Variants in HMMR observed in about 807,000 individuals in gnomAD.
HMMR encodes the protein hyaluronan mediated motility receptor, also known as intracellular hyaluronic acid-binding protein.
HMMR carries 108 observed loss-of-function variants against 101.0 expected under a neutral mutation model. The ratio of observed to expected loss-of-function variants is 1.07; its 90% CI spans 0.92 to 1.25. HMMR has a LOEUF of 1.25. Among genes scored for constraint, HMMR ranks in the 50% most tolerant of loss-of-function variants. The pLI is 0.00. For synonymous variants in HMMR, 296 were observed against 276.4 expected (o/e 1.07, Z -0.70); for missense variants, 813 against 788.7 (o/e 1.03, Z -0.37).
At chr5:163,471,881 G>A (rs1045607862) in intron 7 of HMMR, among the ~76,000 whole-genome samples, 5 of 151,958 alleles carry the variant, frequency 3.3e-5, no homozygotes, top group Admixed American at 2.0e-4. Context: ...ATACACCTAC[G>A]TAACCACTAC....
At chr5:163,475,343 C>G in intron 10 of HMMR, 115 bp from the exon 11 acceptor site, 1 of 550,518 alleles carries the variant, frequency 1.8e-6, no homozygotes, top group Non-Finnish European at 3.2e-6. Context: ...TTTAAGTTTC[C>G]TTGAATCTGT....
At chr5:163,476,585 C>T (rs146197387) in intron 11 of HMMR, among the ~76,000 whole-genome samples, 243 of 152,124 alleles carry the variant, frequency 1.6e-3, no homozygotes, top group Non-Finnish European at 2.9e-3. Flanking sequence ...TAATGCTCAA[C>T]GATTATACCT....
chr5:163,475,393 T>G, intron 10 of HMMR, 65 bp from the exon 11 acceptor site: 2 of 813,566 alleles, frequency 2.5e-6, no homozygotes, highest in Non-Finnish European at 3.9e-6. Flanking sequence ...TACTTTTTTT[T>G]GTCTCCTAGT....
chr5:163,463,818 A>G lies in HMMR; in HGVS notation c.47-38A>G, dbSNP rs1189190609. ...ATGTTTTAACTTAAGATCATAAGTA[A>G]CATTAGATAATATATTAATGTTTTC... On this transcript the variant is annotated intron_variant, in intron 1 of 17. Transcript: ENST00000393915. 7.7e-6 allele frequency: 6 copies of G among 779,066 alleles called. No individual in the cohort carries two copies. The South Asian group carries it at 1.5e-4, about 19-fold the overall frequency. The allele number at this position is 779,066 out of a possible 1,614,324, so 48.3% of individuals were successfully genotyped here.
intron 3 of HMMR, chr5:163,465,288 C>T (rs369936932): frequency 6.5e-6 from 1 of 153,190 alleles, no homozygotes; most frequent in African/African-American, 2.4e-5. Context: ...TTACTCTTTT[C>T]ATAAGTTTAT....
intron 12 of HMMR, among the ~76,000 whole-genome samples, chr5:163,481,362 G>C (rs929927517): frequency 6.6e-6 from 1 of 151,168 alleles, no homozygotes; most frequent in Non-Finnish European, 1.5e-5. Flanking sequence ...TTCCCTTCTC[G>C]TTAGTTTGAA....
In HMMR at chr5:163,474,108, T is replaced by G; in HGVS notation, c.956T>G (p.Met319Arg). The G allele has an allele frequency of 6.2e-7, 1 of 1,611,768 alleles. No homozygotes were observed. The highest frequency in any genetic ancestry group is 8.5e-7 in the Non-Finnish European group (1 of 1,178,628). The change falls in exon 10 of 18, where the codon ATG becomes AGG. Residue 319 changes from methionine to arginine, a missense_variant. By Grantham distance (91) the Met-to-Arg change is moderately conservative. Coordinates refer to ENST00000393915, the MANE Select transcript of HMMR (RefSeq NM_001142556.2). ...CACAACGAAAATCTAAATGCAGAGA[T>G]GCAAAACTTAAAACAGAAGTTTATT... ...REHNENLNAE[M>R]QNLKQKFILE... is the part of the protein sequence containing the mutation.
intron 2 of HMMR, 40 bp from the exon 3 acceptor site, chr5:163,464,683 T>A: frequency 7.6e-7 from 1 of 1,313,514 alleles, no homozygotes; most frequent in Non-Finnish European, 1.1e-6. Flanking sequence ...TTAAAACACA[T>A]TGACATCAAC....
chr5:163,466,537 G>T (rs896346294), intron 3 of HMMR, among the ~76,000 whole-genome samples: 1 of 152,006 alleles, frequency 6.6e-6, no homozygotes, highest in Non-Finnish European at 1.5e-5. Context: ...GATTTTGTTA[G>T]TGGAACGCTT....
chr5:163,486,073 G>T (rs1759467226), intron 16 of HMMR, among the ~76,000 whole-genome samples: 1 of 152,178 alleles, frequency 6.6e-6, no homozygotes, highest in African/African-American at 2.4e-5. Flanking sequence ...TTTGAAATCA[G>T]GAAGCGTGAG....
chr5:163,486,165 C>G (rs1351769663), intron 16 of HMMR, among the ~76,000 whole-genome samples: 1 of 152,180 alleles, frequency 6.6e-6, no homozygotes, highest in East Asian at 1.9e-4. Context: ...AGTTTTTCTA[C>G]AAAGAAACCA....
chr5:163,491,306 A>G lies in HMMR; in HGVS notation c.*142A>G. On this transcript the variant is annotated 3_prime_UTR_variant, in exon 18 of 18. Transcript: ENST00000393915. ...TAAATATGTGAAAGGAACATTTTTTACCAAAGTGTCTTTTGACATTTTATT... is the reference window on the plus strand; with the variant it reads ...TAAATATGTGAAAGGAACATTTTTTGCCAAAGTGTCTTTTGACATTTTATT... The G allele has an allele frequency of 1.9e-6, 1 of 524,128 alleles. No homozygotes were observed. Among genetic ancestry groups the G allele is most frequent in the Non-Finnish European group, 3.4e-6 (1 of 297,750 alleles). 32.5% of individuals were successfully genotyped at this position (524,128 alleles called of 1,614,324 possible).
At chr5:163,489,189 G>C (rs1261794301) in intron 16 of HMMR, 1 of 152,366 alleles carries the variant, frequency 6.6e-6, no homozygotes, top group East Asian at 1.9e-4. Context: ...TAATGCCGCA[G>C]CTGATCTGCC....
At chr5:163,470,926 T>G (rs1758865818) in intron 5 of HMMR, among the ~76,000 whole-genome samples, 1 of 152,042 alleles carries the variant, frequency 6.6e-6, no homozygotes, top group South Asian at 2.1e-4. Flanking sequence ...CCCAGGAGTT[T>G]GAGATTATAG....
intron 5 of HMMR, 48 bp downstream of exon 5, chr5:163,469,877 G>A (rs927296498): frequency 8.2e-6 from 11 of 1,345,250 alleles, no homozygotes; most frequent in East Asian, 2.4e-5. Context: ...ATATAAACAC[G>A]TTTTTTAGGG....
At chr5:163,481,506 G>C (rs886636386) in intron 12 of HMMR, among the ~76,000 whole-genome samples, 2 of 152,018 alleles carry the variant, frequency 1.3e-5, no homozygotes, top group African/African-American at 4.8e-5. Flanking sequence ...TTACCCACTT[G>C]ACATCTTCAA....
intron 11 of HMMR, among the ~76,000 whole-genome samples, chr5:163,477,156 A>C (rs1759094404): frequency 6.6e-6 from 1 of 152,146 alleles, no homozygotes; most frequent in Non-Finnish European, 1.5e-5. Flanking sequence ...TGTCCATAGT[A>C]ATTGCTAATT....
At chr5:163,489,618 TC>T (rs1759609654) in intron 16 of HMMR, among the ~76,000 whole-genome samples, 1 of 151,790 alleles carries the variant, frequency 6.6e-6, no homozygotes, top group Non-Finnish European at 1.5e-5. Context: ...TGTAGAACCA[TC>T]CCCCTCATGA....
chr5:163,472,954 G>GT (rs976293969), intron 7 of HMMR, among the ~76,000 whole-genome samples: 2 of 152,002 alleles, frequency 1.3e-5, no homozygotes, highest in Admixed American at 6.6e-5. Flanking sequence ...GTCATCATAG[G>GT]TTTTTTTGTC....
Sources: gnomAD v4.1 joint callset for allele counts (sites outside exome capture counted in the v4.1 genomes callset) on GRCh38, gnomAD v4.1.1 for gene constraint, MANE v1.5 for transcripts, NCBI Gene and HGNC (gene_info 2026-07-23, HGNC 2026-07-21) for gene names.